The following SLC2A11 variants were observed in gnomAD, a reference collection of about 807,000 sequenced individuals.
SLC2A11 encodes solute carrier family 2, facilitated glucose transporter member 11.
In SLC2A11, 43 loss-of-function variants were observed where a neutral mutation model predicts 52.1. The ratio of observed to expected loss-of-function variants is 0.82; its 90% CI spans 0.65 to 1.06. The LOEUF (loss-of-function observed/expected upper bound fraction) is 1.06. Among genes scored for constraint, SLC2A11 ranks in the 50% least tolerant of loss-of-function variants. SLC2A11 has a pLI of 0.00. For synonymous variants in SLC2A11, 261 were observed against 277.6 expected, an observed-to-expected ratio of 0.94 and a Z score of 0.59; for missense variants, 582 against 654.2, an observed-to-expected ratio of 0.89 and a Z score of 1.20.
In SLC2A11 at chr22:23,883,822, C is replaced by T. The variant is rs764290858; in HGVS notation, c.1044C>T (p.Tyr348=). ...GGCGCGTGCTGCTCATCGGTGGGTACAGCCTGATGACCTGCTGGGGGAGCA... is the reference window on the plus strand; with the variant it reads ...GGCGCGTGCTGCTCATCGGTGGGTATAGCCTGATGACCTGCTGGGGGAGCA... The part of the protein sequence containing the change: ...VGRRVLLIGG[Y]SLMTCWGSIF... Residue 348 remains tyrosine (Y), a synonymous_variant, in exon 9 of 12, where the codon TAC becomes TAT. Coordinates refer to ENST00000316185, the MANE Select transcript of SLC2A11 (RefSeq NM_001024939.4). The T allele has an allele frequency of 5.7e-6, 9 of 1,583,956 alleles. No homozygotes were observed. The highest frequency in any genetic ancestry group is 5.1e-6 in the Non-Finnish European group (6 of 1,168,970).
At chr22:23,862,001 C>A in intron 1 of SLC2A11, 103 bp from the exon 2 acceptor site, 2 of 953,496 alleles carry the variant, frequency 2.1e-6, no homozygotes, top group Non-Finnish European at 1.7e-6. Flanking sequence ...GGAGACATCA[C>A]TGCCTGATTC....
intron 3 of SLC2A11, among the ~76,000 whole-genome samples, chr22:23,874,446 A>G (rs2032550263): frequency 7.5e-6 from 1 of 134,090 alleles, no homozygotes; most frequent in African/African-American, 2.9e-5. Context: ...GCCATCATGC[A>G]TGGCTAATTT....
chr22:23,868,705 A>T lies in SLC2A11; in HGVS notation c.290+64A>T, dbSNP rs2032354352. The T allele has an allele frequency of 2.7e-5, 42 of 1,581,354 alleles. 1 individual carries two copies. In the South Asian group the frequency reaches 4.7e-4, roughly 18 times the overall value. On this transcript the variant is annotated intron_variant, in intron 3 of 11. Transcript: ENST00000316185. ...GAGGAGCGCTGCAGCCTGCAGGCTGAGGAATGTGGAAGAAGGAAGAGGCCC... is the reference window on the plus strand; with the variant it reads ...GAGGAGCGCTGCAGCCTGCAGGCTGTGGAATGTGGAAGAAGGAAGAGGCCC...
chr22:23,861,581 C>T (rs2032069117), intron 1 of SLC2A11, among the ~76,000 whole-genome samples: 1 of 152,238 alleles, frequency 6.6e-6, no homozygotes, highest in South Asian at 2.1e-4. Context: ...TCCCCAAGTC[C>T]TTGCACCTGC....
At chr22:23,857,484 A>G, upstream of SLC2A11, 4 of 1,613,702 alleles carry the variant, frequency 2.5e-6, no homozygotes, top group Non-Finnish European at 3.4e-6. Flanking sequence ...GCTGCGGCAG[A>G]GGCGGATGGA....
At chr22:23,868,021 C>T in intron 2 of SLC2A11, 2 of 314,734 alleles carry the variant, frequency 6.4e-6, no homozygotes, top group South Asian at 2.8e-5. Context: ...TTGCACTTGG[C>T]ATCTGAAGAG....
At chr22:23,857,071 T>TGG (rs1267660761), upstream of SLC2A11, 16 of 301,376 alleles carry the variant, frequency 5.3e-5, no homozygotes, top group African/African-American at 3.2e-4. Flanking sequence ...AGTGTGTGTG[T>TGG]GTGGGGGGGG....
At chr22:23,857,751 C>G, upstream of SLC2A11, 1 of 1,344,240 alleles carries the variant, frequency 7.4e-7, no homozygotes. Flanking sequence ...TAGTCCCGGC[C>G]ATCGTTTAGC....
chr22:23,857,905 C>T lies in SLC2A11; in HGVS notation c.-95C>T, dbSNP rs1247359139. ...TCACCACTGGGCGCTGCGCGCTGCC[C>T]TTCCCTCCGCGCACAGGCTGCCGGC... On this transcript the variant is annotated 5_prime_UTR_variant, in exon 1 of 12. Coordinates refer to ENST00000316185, the MANE Select transcript of SLC2A11 (RefSeq NM_001024939.4). The T allele has an allele frequency of 3.7e-5, 58 of 1,576,258 alleles. No homozygotes were observed. Among genetic ancestry groups the T allele is most frequent in the Non-Finnish European group, 3.6e-5 (42 of 1,162,160 alleles).
Position 23,886,161 on chromosome 22 carries a change from G to A in SLC2A11, c.*1312G>A, listed in dbSNP as rs905122187. 4.6e-5 allele frequency: 7 copies of A among 152,192 alleles called. No individual in the cohort carries two copies. The highest frequency in any genetic ancestry group is 1.3e-4 in the Admixed American group (2 of 15,278). The allele number at this position is 152,192 out of a possible 1,614,324, so 9.4% of individuals were successfully genotyped here. A position where few individuals can be genotyped will look rare whatever the true frequency, so the allele number is the denominator to read the frequency against. On this transcript the variant is annotated 3_prime_UTR_variant, in exon 12 of 12. Transcript: ENST00000316185. ...TTGGGATTCATGAATGTTGTTGCACGTATTAGGAGAGACTCCTTTGTATTG... is the reference window on the plus strand; with the variant it reads ...TTGGGATTCATGAATGTTGTTGCACATATTAGGAGAGACTCCTTTGTATTG...
Position 23,885,549 on chromosome 22 carries a change from A to T in SLC2A11, c.*700A>T, listed in dbSNP as rs1186753629. The T allele has an allele frequency of 1.3e-5, 2 of 150,794 alleles. No homozygotes were observed. The highest frequency in any genetic ancestry group is 4.9e-5 in the African/African-American group (2 of 40,964). 9.3% of individuals were successfully genotyped at this position (150,794 alleles called of 1,614,324 possible). The stretch of plus-strand genomic sequence containing the variant: ...TCCTGTTTCTACCAAAAAAAAAAAA[A>T]AAAAAAATTAGCTGGGTGTGGTGGT... On this transcript the variant is annotated 3_prime_UTR_variant, in exon 12 of 12. Transcript: ENST00000316185.
Position 23,870,268 on chromosome 22 carries a change from T to TA in SLC2A11, c.290+1632dup, listed in dbSNP as rs2032409307. The TA allele has an allele frequency of 1.1e-5, 6 of 537,690 alleles. No individual in the cohort carries two copies. In the South Asian group the frequency reaches 1.5e-4, roughly 14 times the overall value. The allele number at this position is 537,690 out of a possible 1,614,324, so 33.3% of individuals were successfully genotyped here. ...TGGCATAAGCATGAAAGGAAGAAATTAAAAATTCAAGTTTAGCATGTATGC... is the reference window on the plus strand; with the variant it reads ...TGGCATAAGCATGAAAGGAAGAAATTAAAAAATTCAAGTTTAGCATGTATGC... On this transcript the variant is annotated intron_variant, in intron 3 of 11. Transcript: ENST00000316185.
chr22:23,874,825 T>A (rs2032563274), intron 3 of SLC2A11, among the ~76,000 whole-genome samples: 1 of 152,238 alleles, frequency 6.6e-6, no homozygotes, highest in East Asian at 1.9e-4. Context: ...GATCAGGTGA[T>A]CTGCCCGCTT....
intron 1 of SLC2A11, 99 bp from the exon 2 acceptor site, chr22:23,862,005 C>A: frequency 1.0e-6 from 1 of 983,932 alleles, no homozygotes; most frequent in Non-Finnish European, 1.6e-6. Context: ...ACATCACTGC[C>A]TGATTCAAAT....
At chr22:23,878,684 G>T (rs1336197355) in intron 6 of SLC2A11, among the ~76,000 whole-genome samples, 1 of 152,056 alleles carries the variant, frequency 6.6e-6, no homozygotes, top group Non-Finnish European at 1.5e-5. Flanking sequence ...TGAAGACCGG[G>T]GCCCATTAGT....
chr22:23,859,375 T>G (rs5760076), intron 1 of SLC2A11, among the ~76,000 whole-genome samples: 107,598 of 152,208 alleles, frequency 0.71, 38,219 homozygotes, highest in Middle Eastern at 0.75. Context: ...CAGAGCCACT[T>G]CCTCTGCTCC....
At chr22:23,870,675 ATTTTATTTTTTATT>A (rs147987004) in intron 3 of SLC2A11, 8 of 150,918 alleles carry the variant, frequency 5.3e-5, no homozygotes, top group African/African-American at 1.2e-4. Flanking sequence ...GGCTAATTTT[ATTTTATTTTTTATT>A]TTTTATTTTT....
chr22:23,868,838 C>G, intron 3 of SLC2A11, 197 bp downstream of exon 3: 1 of 581,284 alleles, frequency 1.7e-6, no homozygotes. Context: ...CAGTCCTGTG[C>G]TACAAGAGAG....
intron 2 of SLC2A11, among the ~76,000 whole-genome samples, chr22:23,864,955 A>G (rs1385331058): frequency 2.0e-5 from 3 of 151,946 alleles, no homozygotes; most frequent in Admixed American, 2.0e-4. Context: ...TAAAAATAGA[A>G]ATATTAGCTG....
Sources: gnomAD v4.1 joint callset for allele counts (sites outside exome capture counted in the v4.1 genomes callset) on GRCh38, gnomAD v4.1.1 for gene constraint, MANE v1.5 for transcripts, NCBI Gene and HGNC (gene_info 2026-07-23, HGNC 2026-07-21) for gene names.